The following TRAF2 variants were observed in gnomAD, a reference collection of about 807,000 sequenced individuals.
TRAF2 encodes the protein TNF receptor associated factor 2, also known as TNF receptor-associated factor 2.
A neutral mutation model predicts 55.6 loss-of-function variants in TRAF2; 6 were observed. The observed-to-expected ratio is 0.11, with a 90% CI of 0.06 to 0.21. The LOEUF (loss-of-function observed/expected upper bound fraction) is 0.21. Among genes scored for constraint, TRAF2 ranks in the 10% least tolerant of loss-of-function variants. The pLI is 1.00. For synonymous variants in TRAF2, 329 were observed against 276.3 expected, an observed-to-expected ratio of 1.19 and a Z score of -1.89; for missense variants, 561 against 684.5, an observed-to-expected ratio of 0.82 and a Z score of 2.01.
At chr9:136,908,262 C>G (rs769591945) in intron 5 of TRAF2, 31 bp downstream of exon 5, 15 of 1,535,306 alleles carry the variant, frequency 9.8e-6, no homozygotes, top group Non-Finnish European at 1.2e-5. Flanking sequence ...GCCTGTGTGG[C>G]TGCAGCCATG....
chr9:136,910,837 C>T lies in TRAF2; in HGVS notation c.603+843C>T, dbSNP rs17250841. On this transcript the variant is annotated intron_variant, in intron 6 of 10. Transcript: ENST00000247668. ...GGGGGACGGGACAGGGCTGTCTCCT[C>T]ACCTCTTTCCACTTGTCTGTTAAAT... 4.3e-3 allele frequency among the ~76,000 whole-genome samples: 654 copies of T among 152,378 alleles called. 2 individuals are homozygous for T. Among genetic ancestry groups the T allele is most frequent in the Non-Finnish European group, 7.0e-3 (474 of 68,026 alleles).
chr9:136,920,160 C>A (rs72761076), intron 7 of TRAF2, 74 bp from the exon 8 acceptor site: 15 of 1,492,924 alleles, frequency 1.0e-5, no homozygotes, highest in Non-Finnish European at 4.5e-6. Flanking sequence ...CTGAGGCCCA[C>A]GTCTTGGTGG....
chr9:136,914,458 G>A (rs893914701), intron 6 of TRAF2, among the ~76,000 whole-genome samples: 2 of 152,232 alleles, frequency 1.3e-5, no homozygotes, highest in African/African-American at 2.4e-5. Context: ...GATGGGGGGT[G>A]CCCAGTGACA....
At chr9:136,908,027 G>A in intron 4 of TRAF2, 43 bp from the exon 5 acceptor site, 1 of 1,566,456 alleles carries the variant, frequency 6.4e-7, no homozygotes, top group Non-Finnish European at 8.6e-7. Context: ...CTGCCCAAAT[G>A]TCCCACGCGA....
intron 1 of TRAF2, among the ~76,000 whole-genome samples, chr9:136,896,995 G>A (rs984272532): frequency 6.6e-6 from 1 of 152,144 alleles, no homozygotes; most frequent in Non-Finnish European, 1.5e-5. Context: ...CCAGTGAATG[G>A]GTCTAGGCAT....
At chr9:136,883,361 G>C (rs1296355995), upstream of TRAF2, among the ~76,000 whole-genome samples, 1 of 152,156 alleles carries the variant, frequency 6.6e-6, no homozygotes, top group Non-Finnish European at 1.5e-5. Flanking sequence ...TCTGGACTTG[G>C]GGTGGGGCTG....
At chr9:136,906,052 C>T (rs572865840) in intron 4 of TRAF2, among the ~76,000 whole-genome samples, 23 of 152,306 alleles carry the variant, frequency 1.5e-4, no homozygotes, top group African/African-American at 5.3e-4. Flanking sequence ...TTGCTGGTTG[C>T]AGTGAGCCGA....
chr9:136,918,082 ACT>A (rs958284860), intron 7 of TRAF2, among the ~76,000 whole-genome samples: 10 of 148,266 alleles, frequency 6.7e-5, no homozygotes, highest in Admixed American at 3.4e-4. Context: ...CAACAGCAGC[ACT>A]CTCTGAGAAA....
At position 136,898,526 on chromosome 9, in the gene TRAF2, C is replaced by T. The variant is rs17243809; in HGVS notation, c.-28-187C>T. On this transcript the variant is annotated intron_variant, in intron 1 of 10. Coordinates refer to ENST00000247668, the MANE Select transcript of TRAF2 (RefSeq NM_021138.4). ...TGAGCCTGAGTTTCCATACTAGCGG[C>T]GGGAGATGGGACTAGAGGGTCTCCA... 3.3e-4 allele frequency: 309 copies of T among 949,492 alleles called. No homozygotes were observed. In the African/African-American group the frequency reaches 4.6e-3, roughly 14 times the overall value. 58.8% of individuals were successfully genotyped at this position (949,492 alleles called of 1,614,324 possible). A position where few individuals can be genotyped will look rare whatever the true frequency, so the allele number is the denominator to read the frequency against.
intron 1 of TRAF2, among the ~76,000 whole-genome samples, chr9:136,897,200 AAAGG>A (rs1849699570): frequency 6.6e-6 from 1 of 152,128 alleles, no homozygotes; most frequent in Non-Finnish European, 1.5e-5. Context: ...GGTTAATTCA[AAAGG>A]AAGGGTGAGG....
chr9:136,923,768 C>G (rs1850455564), intron 9 of TRAF2, 84 bp from the exon 10 acceptor site: 2 of 1,477,442 alleles, frequency 1.4e-6, no homozygotes, highest in Middle Eastern at 4.1e-4. Flanking sequence ...GTTTTTGTCC[C>G]TGGGGGAGGG....
chr9:136,889,964 G>A (rs1193460975), intron 1 of TRAF2, among the ~76,000 whole-genome samples: 3 of 145,192 alleles, frequency 2.1e-5, no homozygotes, highest in South Asian at 2.3e-4. Flanking sequence ...CCCACCGCAC[G>A]CTCGTTCAGC....
intron 4 of TRAF2, among the ~76,000 whole-genome samples, chr9:136,901,034 C>T (rs1350240992): frequency 2.0e-5 from 3 of 152,188 alleles, no homozygotes; most frequent in Admixed American, 6.5e-5. Context: ...ATAATGGACA[C>T]ACTTGTCCTG....
chr9:136,918,088 T>G (rs1276866409), intron 7 of TRAF2, among the ~76,000 whole-genome samples: 1 of 151,830 alleles, frequency 6.6e-6, no homozygotes, highest in Non-Finnish European at 1.5e-5. Context: ...CAGCACTCTC[T>G]GAGAAAATGC....
intron 1 of TRAF2, among the ~76,000 whole-genome samples, chr9:136,893,923 T>A (rs1384830442): frequency 6.6e-6 from 1 of 151,784 alleles, no homozygotes; most frequent in Non-Finnish European, 1.5e-5. Flanking sequence ...CTAATTTTTG[T>A]ATTTTTACTA....
intron 8 of TRAF2, 56 bp downstream of exon 8, chr9:136,920,571 T>A: frequency 6.5e-7 from 1 of 1,535,600 alleles, no homozygotes. Flanking sequence ...GGGGATAGTG[T>A]TCGTGCCCCA....
At chr9:136,882,062 G>A (rs1029241866), upstream of TRAF2, 7 of 985,050 alleles carry the variant, frequency 7.1e-6, no homozygotes, top group Non-Finnish European at 2.4e-6. Flanking sequence ...GACAGCACCA[G>A]GCACACAAGG....
chr9:136,913,227 C>T (rs1462232007), intron 6 of TRAF2, among the ~76,000 whole-genome samples: 1 of 149,296 alleles, frequency 6.7e-6, no homozygotes, highest in African/African-American at 2.5e-5. Flanking sequence ...CTTCGAAGCT[C>T]TTTTTGTTCT....
At position 136,898,922 on chromosome 9, in the gene TRAF2, T is replaced by G; in HGVS notation, c.182T>G (p.Ile61Ser). 1 of 1,606,060 alleles carries G rather than the reference T, an allele frequency of 6.2e-7. No individual in the cohort carries two copies. The highest frequency in any genetic ancestry group is 1.3e-5 in the African/African-American group (1 of 74,836). The stretch of plus-strand genomic sequence containing the variant: ...TACTGCTCCTTCTGCCTGGCCAGCA[T>G]CCTCAGGTGCATGGGGCCTGCAGGC... ...HRYCSFCLASILSSGPQNCAA... is the reference protein window; with the variant it reads ...HRYCSFCLASSLSSGPQNCAA... The change falls in exon 2 of 11, where the codon ATC becomes AGC. Residue 61 changes from isoleucine (I) to serine (S), a missense_variant. Coordinates refer to ENST00000247668, the MANE Select transcript of TRAF2 (RefSeq NM_021138.4).
Sources: allele counts gnomAD v4.1 joint callset (sites outside exome capture counted in the v4.1 genomes callset), GRCh38; gene constraint gnomAD v4.1.1; transcripts MANE v1.5; gene names NCBI Gene and HGNC (gene_info 2026-07-23, HGNC 2026-07-21).